The following MAPDA variants were observed in gnomAD, a reference collection of about 807,000 sequenced individuals.
MAPDA encodes N6-Methyl-AMP deaminase.
the MAPDA span, chr15:43,335,701 TCATGCC>T: frequency 1.1e-5 from 18 of 1,607,200 alleles, no homozygotes; most frequent in Non-Finnish European, 1.5e-5. Flanking sequence ...CTTAGGAACT[TCATGCC>T]CACTTGAATG....
At chr15:43,353,943 A>T in the MAPDA span, 1 of 152,136 alleles carries the variant, frequency 6.6e-6, no homozygotes, top group African/African-American at 2.4e-5. Flanking sequence ...ATTAAACTCA[A>T]GGAGGGGTCA....
At chr15:43,335,646 G>T in the MAPDA span, 1 of 1,550,356 alleles carries the variant, frequency 6.5e-7, no homozygotes, top group South Asian at 1.2e-5. Flanking sequence ...TTGGTAAGAT[G>T]CTATGAATCT....
chr15:43,335,737 C>T, the MAPDA span: 1 of 1,613,692 alleles, frequency 6.2e-7, no homozygotes, highest in Non-Finnish European at 8.5e-7. Flanking sequence ...GTTCTCATAC[C>T]ATGAAGAAAT....
At chr15:43,331,304 C>G in the MAPDA span, among the ~76,000 whole-genome samples, 2 of 152,140 alleles carry the variant, frequency 1.3e-5, no homozygotes, top group Non-Finnish European at 2.9e-5. Flanking sequence ...GTGATTGTTC[C>G]CTGTGATATG....
At chr15:43,334,633 T>TTATTTATATATATA in the MAPDA span, among the ~76,000 whole-genome samples, 1 of 65,142 alleles carries the variant, frequency 1.5e-5, no homozygotes, top group Non-Finnish European at 4.7e-5. Context: ...CTCAAAAAAA[T>TTATTTATATATATA]TATATATATA....
At chr15:43,334,633 T>TTA in the MAPDA span, among the ~76,000 whole-genome samples, 348 of 65,168 alleles carry the variant, frequency 5.3e-3, 37 homozygotes, top group East Asian at 0.025. Context: ...CTCAAAAAAA[T>TTA]TATATATATA....
chr15:43,346,051 C>A, the MAPDA span: 1 of 1,584,418 alleles, frequency 6.3e-7, no homozygotes. Flanking sequence ...TAGCTTCGGG[C>A]ATCTTGCATT....
the MAPDA span, chr15:43,335,588 T>C: frequency 1.6e-6 from 2 of 1,245,148 alleles, no homozygotes; most frequent in East Asian, 2.5e-5. Flanking sequence ...ATTATGTAGC[T>C]AAATCTAGTA....
chr15:43,351,867 C>T, the MAPDA span: 6 of 1,551,676 alleles, frequency 3.9e-6, no homozygotes, highest in Admixed American at 2.0e-5. Flanking sequence ...CCATCAACTA[C>T]ATCTTTGCTT....
the MAPDA span, chr15:43,330,591 G>T: frequency 3.0e-6 from 4 of 1,330,814 alleles, no homozygotes; most frequent in Non-Finnish European, 4.0e-6. Context: ...AACCACCCAT[G>T]CTCCTGGACT....
the MAPDA span, among the ~76,000 whole-genome samples, chr15:43,334,273 G>A: frequency 1.3e-5 from 2 of 152,102 alleles, no homozygotes; most frequent in Non-Finnish European, 2.9e-5. Flanking sequence ...ACAAACCTAG[G>A]TCCATCTAAT....
chr15:43,345,354 CAAA>C, the MAPDA span, among the ~76,000 whole-genome samples: 7 of 35,752 alleles, frequency 2.0e-4, no homozygotes, highest in African/African-American at 8.2e-4. Flanking sequence ...GATTCCATCT[CAAA>C]AAAAAAAAAA....
chr15:43,351,860 T>G, the MAPDA span: 1 of 1,551,698 alleles, frequency 6.4e-7, no homozygotes, highest in East Asian at 2.4e-5. Flanking sequence ...TATGAATCCA[T>G]CAACTACATC....
the MAPDA span, chr15:43,336,534 A>G: frequency 5.6e-6 from 5 of 895,618 alleles, no homozygotes; most frequent in East Asian, 1.5e-4. Flanking sequence ...AAATATAAAT[A>G]TATATTTACT....
chr15:43,333,912 C>T, the MAPDA span, among the ~76,000 whole-genome samples: 65 of 152,340 alleles, frequency 4.3e-4, no homozygotes, highest in Non-Finnish European at 8.1e-4. Flanking sequence ...TTATAAACCA[C>T]TTTCAGAAGT....
the MAPDA span, chr15:43,347,154 ATT>A: frequency 1.5e-6 from 2 of 1,371,300 alleles, no homozygotes; most frequent in Non-Finnish European, 2.0e-6. Context: ...TAATAGGGTC[ATT>A]TGTAAGTGAC....
chr15:43,352,918 G>A, the MAPDA span: 1 of 151,944 alleles, frequency 6.6e-6, no homozygotes, highest in East Asian at 1.9e-4. Flanking sequence ...CTGGCTGAGG[G>A]GTGAGAAAGA....
At chr15:43,331,715 A>G in the MAPDA span, among the ~76,000 whole-genome samples, 1 of 152,234 alleles carries the variant, frequency 6.6e-6, no homozygotes, top group African/African-American at 2.4e-5. Context: ...TAATGGCCTT[A>G]GGGAGAGCAG....
At chr15:43,343,599 C>T in the MAPDA span, among the ~76,000 whole-genome samples, 1 of 152,242 alleles carries the variant, frequency 6.6e-6, no homozygotes, top group African/African-American at 2.4e-5. Flanking sequence ...GTCTAAAGTG[C>T]CCTACTAATC....
Sources: gnomAD v4.1 joint callset for allele counts (sites outside exome capture counted in the v4.1 genomes callset) on GRCh38, gnomAD v4.1.1 for gene constraint, MANE v1.5 for transcripts, NCBI Gene and HGNC (gene_info 2026-07-23, HGNC 2026-07-21) for gene names.